Variants in MDFIC observed in about 807,000 individuals in gnomAD.
MDFIC encodes MyoD family inhibitor domain containing.
In MDFIC, 17 loss-of-function variants were observed where a neutral mutation model predicts 23.2. That is an observed-to-expected ratio of 0.73 (90% CI 0.50 to 1.10). MDFIC has a LOEUF of 1.10. Among genes scored for constraint, MDFIC ranks in the 50% least tolerant of loss-of-function variants. The pLI, the probability that MDFIC is intolerant of heterozygous loss-of-function variation, is 0.00. For synonymous variants in MDFIC, 120 were observed against 115.2 expected (o/e 1.04, Z -0.27); for missense variants, 356 against 316.6 (o/e 1.12, Z -0.95).
intron 4 of MDFIC, among the ~76,000 whole-genome samples, chr7:114,983,385 G>A (rs1793451036): frequency 6.6e-6 from 1 of 151,942 alleles, no homozygotes; most frequent in Non-Finnish European, 1.5e-5. Context: ...AGAACTCTAA[G>A]GGCGTCTTTT....
At chr7:114,939,755 TAGTC>T (rs1037783479) in intron 2 of MDFIC, among the ~76,000 whole-genome samples, 1 of 152,206 alleles carries the variant, frequency 6.6e-6, no homozygotes, top group African/African-American at 2.4e-5. Flanking sequence ...TATTTTCTTT[TAGTC>T]AGCAATGCTT....
chr7:114,961,280 T>A (rs7806343), intron 3 of MDFIC, among the ~76,000 whole-genome samples: 3,159 of 152,252 alleles, frequency 0.021, 113 homozygotes, highest in African/African-American at 0.071. Context: ...TTAGAGAACA[T>A]GTTAGTTTTC....
intron 4 of MDFIC, among the ~76,000 whole-genome samples, chr7:115,004,312 C>T (rs750612724): frequency 1.1e-4 from 17 of 152,152 alleles, no homozygotes; most frequent in Non-Finnish European, 1.9e-4. Context: ...TCCAGTTGGG[C>T]GTGGTGACTC....
chr7:114,938,511 C>T (rs1300926298), intron 2 of MDFIC, among the ~76,000 whole-genome samples: 1 of 152,034 alleles, frequency 6.6e-6, no homozygotes, highest in African/African-American at 2.4e-5. Context: ...CATCACTGCC[C>T]CAGCCCCATA....
Position 114,942,411 on chromosome 7 carries a change from G to A in MDFIC, c.217+14G>A. On this transcript the variant is annotated intron_variant, in intron 3 of 4. Coordinates refer to ENST00000393486, the MANE Select transcript of MDFIC (RefSeq NM_001166345.3). ...AACTCATTAGAAGTAAGTATTTTTA[G>A]AAAAAACTTTGAGTGATTTTGGGAT... The A allele has an allele frequency of 1.3e-6, 2 of 1,556,186 alleles. No homozygotes were observed. Among genetic ancestry groups the A allele is most frequent in the Admixed American group, 2.1e-5 (1 of 48,386 alleles).
intron 3 of MDFIC, among the ~76,000 whole-genome samples, chr7:114,961,100 T>C (rs1792981661): frequency 6.6e-6 from 1 of 152,100 alleles, no homozygotes; most frequent in South Asian, 2.1e-4. Context: ...CTGCCTGCTC[T>C]GGGCACTAGG....
At chr7:114,992,582 C>T (rs9778058) in intron 4 of MDFIC, among the ~76,000 whole-genome samples, 1 of 152,080 alleles carries the variant, frequency 6.6e-6, no homozygotes. Flanking sequence ...TTTTCAAAGG[C>T]CTTTTCTGCA....
chr7:115,005,145 G>A (rs545424099), intron 4 of MDFIC, among the ~76,000 whole-genome samples: 1 of 152,300 alleles, frequency 6.6e-6, no homozygotes, highest in South Asian at 2.1e-4. Flanking sequence ...AACAAACTTA[G>A]CATTTTCCCT....
chr7:114,970,561 G>A (rs1301764148), intron 3 of MDFIC, among the ~76,000 whole-genome samples: 1 of 152,030 alleles, frequency 6.6e-6, no homozygotes, highest in Non-Finnish European at 1.5e-5. Context: ...CCTGTCACTA[G>A]CTGTACTTCT....
intron 2 of MDFIC, among the ~76,000 whole-genome samples, chr7:114,939,537 T>A (rs1464134525): frequency 2.0e-5 from 3 of 152,206 alleles, no homozygotes; most frequent in African/African-American, 4.8e-5. Flanking sequence ...CTTAAAAATG[T>A]GATAAATTGT....
At chr7:114,946,138 G>T (rs984281572) in intron 3 of MDFIC, among the ~76,000 whole-genome samples, 2 of 152,084 alleles carry the variant, frequency 1.3e-5, no homozygotes, top group Non-Finnish European at 2.9e-5. Context: ...AACATTTCAT[G>T]TTTTAATTAG....
At chr7:114,931,014 T>C (rs574539348) in intron 2 of MDFIC, among the ~76,000 whole-genome samples, 63 of 152,318 alleles carry the variant, frequency 4.1e-4, no homozygotes, top group African/African-American at 1.4e-3. Context: ...GCTATGTATA[T>C]GCACCAGTAT....
chr7:115,012,486 T>C (rs1007453579), intron 4 of MDFIC, among the ~76,000 whole-genome samples: 3 of 152,112 alleles, frequency 2.0e-5, no homozygotes, highest in African/African-American at 7.2e-5. Context: ...GGAGTAAATT[T>C]TGGAGCAACA....
chr7:114,972,266 A>G (rs548624387), intron 3 of MDFIC, among the ~76,000 whole-genome samples: 7 of 152,234 alleles, frequency 4.6e-5, no homozygotes, highest in South Asian at 2.1e-4. Context: ...TTTTGCCAAT[A>G]TCTTGTTTGA....
chr7:115,013,325 C>T (rs1788181135), intron 4 of MDFIC, among the ~76,000 whole-genome samples: 1 of 141,924 alleles, frequency 7.0e-6, no homozygotes. Context: ...AATATTGTAA[C>T]CGTCTATTTC....
At chr7:114,961,264 T>C (rs1486078299) in intron 3 of MDFIC, among the ~76,000 whole-genome samples, 1 of 152,146 alleles carries the variant, frequency 6.6e-6, no homozygotes, top group Non-Finnish European at 1.5e-5. Flanking sequence ...AACCAGAGAT[T>C]ACGAATTAGA....
At chr7:115,013,948 C>T in intron 4 of MDFIC, 7 of 975,922 alleles carry the variant, frequency 7.2e-6, no homozygotes, top group Non-Finnish European at 8.5e-6. Flanking sequence ...TGAAAACTCT[C>T]ACAACTCTGT....
intron 3 of MDFIC, among the ~76,000 whole-genome samples, chr7:114,970,269 G>C (rs1436240988): frequency 6.6e-6 from 1 of 152,156 alleles, no homozygotes; most frequent in Non-Finnish European, 1.5e-5. Context: ...TTCTTTCTTT[G>C]TTGGCAACAA....
Position 115,017,447 on chromosome 7 carries a change from T to C in MDFIC, c.*1512T>C, listed in dbSNP as rs939147318. ...TTGGGATGAGAACATTTTAGTTGTTTAGTTTGTTTCTTAAGCAGTGCTATT... is the reference window on the plus strand; with the variant it reads ...TTGGGATGAGAACATTTTAGTTGTTCAGTTTGTTTCTTAAGCAGTGCTATT... On this transcript the variant is annotated 3_prime_UTR_variant, in exon 5 of 5. Coordinates refer to ENST00000393486, the MANE Select transcript of MDFIC (RefSeq NM_001166345.3). 2.6e-5 allele frequency: 4 copies of C among 152,516 alleles called. No homozygotes were observed. The highest frequency in any genetic ancestry group is 9.6e-5 in the African/African-American group (4 of 41,464). The allele number at this position is 152,516 out of a possible 1,614,324, so 9.4% of individuals were successfully genotyped here. A position where few individuals can be genotyped will look rare whatever the true frequency, so the allele number is the denominator to read the frequency against.
Sources: gnomAD v4.1 joint callset for allele counts (sites outside exome capture counted in the v4.1 genomes callset) on GRCh38, gnomAD v4.1.1 for gene constraint, MANE v1.5 for transcripts, NCBI Gene and HGNC (gene_info 2026-07-23, HGNC 2026-07-21) for gene names.